The following COLGALT1 variants were observed in gnomAD, a reference collection of about 807,000 sequenced individuals.
The protein encoded by COLGALT1 is procollagen galactosyltransferase 1.
COLGALT1 carries 43 observed loss-of-function variants against 60.8 expected under a neutral mutation model. The observed-to-expected ratio is 0.71, with a 90% CI of 0.55 to 0.91. The LOEUF (loss-of-function observed/expected upper bound fraction) is 0.91. Among genes scored for constraint, COLGALT1 ranks in the 40% least tolerant of loss-of-function variants. The pLI, the probability that COLGALT1 is intolerant of heterozygous loss-of-function variation, is 0.00. For missense variants in COLGALT1, 845 were observed against 880.0 expected, an observed-to-expected ratio of 0.96 and a Z score of 0.50; for synonymous variants, 369 against 374.2, an observed-to-expected ratio of 0.99 and a Z score of 0.16.
intron 3 of COLGALT1, among the ~76,000 whole-genome samples, chr19:17,564,319 ATATG>A (rs946126780): frequency 2.6e-5 from 4 of 151,010 alleles, no homozygotes; most frequent in South Asian, 4.2e-4. Flanking sequence ...ATATACGTGT[ATATG>A]TATATATATC....
intron 11 of COLGALT1, 56 bp from the exon 12 acceptor site, chr19:17,581,121 G>C (rs1372193777): frequency 1.3e-6 from 2 of 1,574,762 alleles, no homozygotes; most frequent in Non-Finnish European, 1.7e-6. Flanking sequence ...TTTTCCTCCA[G>C]CTGTCCCGTC....
chr19:17,582,613 A>T lies in COLGALT1; in HGVS notation c.*1169A>T, dbSNP rs536736794. The T allele has an allele frequency of 1.3e-5, 2 of 152,246 alleles. No homozygotes were observed. The highest frequency in any genetic ancestry group is 3.9e-4 in the East Asian group (2 of 5,178). 9.4% of individuals were successfully genotyped at this position (152,246 alleles called of 1,614,324 possible). On this transcript the variant is annotated 3_prime_UTR_variant, in exon 12 of 12. Transcript: ENST00000252599. The stretch of plus-strand genomic sequence containing the variant: ...CGGTTCCTTCACTTCTTCATGCCAC[A>T]AGTGTTTATTGAGCACCTGTGTGCC...
At chr19:17,564,293 G>GCA (rs1343907499) in intron 3 of COLGALT1, among the ~76,000 whole-genome samples, 2 of 150,014 alleles carry the variant, frequency 1.3e-5, no homozygotes, top group Non-Finnish European at 3.0e-5. Context: ...GTGCGTGTGT[G>GCA]TATACATATA....
chr19:17,561,357 A>G (rs990233581), intron 3 of COLGALT1, among the ~76,000 whole-genome samples: 2 of 151,930 alleles, frequency 1.3e-5, no homozygotes, highest in Non-Finnish European at 2.9e-5. Context: ...CTGGGATTAC[A>G]GGCATGGGCC....
chr19:17,574,757 G>C (rs149409480), intron 6 of COLGALT1, among the ~76,000 whole-genome samples: 2 of 152,142 alleles, frequency 1.3e-5, no homozygotes, highest in South Asian at 2.1e-4. Flanking sequence ...AGTTGGGGGT[G>C]GTGGGTCTCC....
At chr19:17,581,103 C>A in intron 11 of COLGALT1, 74 bp from the exon 12 acceptor site, 1 of 1,535,300 alleles carries the variant, frequency 6.5e-7, no homozygotes, top group Admixed American at 1.9e-5. Context: ...GACTTCTTCA[C>A]CCCCAATTTT....
chr19:17,572,382 G>A (rs1028227831), intron 5 of COLGALT1, 101 bp from the exon 6 acceptor site: 12 of 1,567,968 alleles, frequency 7.7e-6, no homozygotes, highest in African/African-American at 6.7e-5. Context: ...GACCTCAAGC[G>A]ATCCTCCTGC....
In COLGALT1 at chr19:17,563,192, T is replaced by C. The variant is rs954411453; in HGVS notation, c.489+2727T>C. On this transcript the variant is annotated intron_variant, in intron 3 of 11. Coordinates refer to ENST00000252599, the MANE Select transcript of COLGALT1 (RefSeq NM_024656.4). The stretch of plus-strand genomic sequence containing the variant: ...AAAATAATATTTTCGTGTTTCTTTT[T>C]TTTTTTTTTTTTTTTTGAGACAGTG... Among the ~76,000 whole-genome samples the C allele has an allele frequency of 1.2e-4, 17 of 146,280 alleles. No homozygotes were observed. The South Asian group carries it at 1.3e-3, about 11-fold the overall frequency.
At position 17,577,247 on chromosome 19, in the gene COLGALT1, A is replaced by T. The variant is rs1241914827; in HGVS notation, c.1002A>T (p.Thr334=). The stretch of plus-strand genomic sequence containing the variant: ...GCTTCATCTCGGCTCCCACCAAGAC[A>T]CCGGACAAGATGGGCTTCGACGAGG... ...PSRFISAPTK[T]PDKMGFDEVF... The change falls in exon 7 of 12, where the codon ACA becomes ACT. Residue 334 remains threonine (T), a synonymous_variant. Coordinates refer to ENST00000252599, the MANE Select transcript of COLGALT1 (RefSeq NM_024656.4). The T allele has an allele frequency of 3.1e-6, 5 of 1,613,104 alleles. No individual in the cohort carries two copies. Among genetic ancestry groups the T allele is most frequent in the Non-Finnish European group, 4.2e-6 (5 of 1,179,616 alleles).
At chr19:17,557,711 C>T (rs956496719) in intron 1 of COLGALT1, among the ~76,000 whole-genome samples, 2 of 152,246 alleles carry the variant, frequency 1.3e-5, no homozygotes, top group African/African-American at 4.8e-5. Flanking sequence ...AAGTGATTCT[C>T]CTGCCTCAGC....
At chr19:17,580,070 A>G (rs958252177) in intron 10 of COLGALT1, 1 of 184,660 alleles carries the variant, frequency 5.4e-6, no homozygotes, top group Non-Finnish European at 1.2e-5. Flanking sequence ...GGATGTGGCT[A>G]AAATTTGACC....
chr19:17,580,915 G>A lies in COLGALT1; in HGVS notation c.1601+10G>A, dbSNP rs757069012. Reference sequence around the variant, plus strand: ...TCGACAAACACCCAGTGTGAGAGGGGCAGGCGGCTGCTGGGCTGGGGTTTC... The same window carrying A: ...TCGACAAACACCCAGTGTGAGAGGGACAGGCGGCTGCTGGGCTGGGGTTTC... On this transcript the variant is annotated intron_variant, in intron 11 of 11. Coordinates refer to ENST00000252599, the MANE Select transcript of COLGALT1 (RefSeq NM_024656.4). 1 of 1,613,012 alleles carries A rather than the reference G, an allele frequency of 6.2e-7. No homozygotes were observed. Among genetic ancestry groups the A allele is most frequent in the South Asian group, 1.1e-5 (1 of 91,042 alleles).
chr19:17,575,273 T>C (rs1036597299), intron 6 of COLGALT1, among the ~76,000 whole-genome samples: 2 of 152,002 alleles, frequency 1.3e-5, no homozygotes, highest in African/African-American at 2.4e-5. Context: ...TGAGACGGAG[T>C]CTCGCTCTGT....
chr19:17,578,119 G>A (rs774551315), intron 9 of COLGALT1, 30 bp downstream of exon 9: 2 of 1,572,926 alleles, frequency 1.3e-6, no homozygotes, highest in South Asian at 2.3e-5. Context: ...CGGGGCCAGA[G>A]TTATGACTCT....
chr19:17,574,664 C>T (rs138416688), intron 6 of COLGALT1, among the ~76,000 whole-genome samples: 53 of 152,140 alleles, frequency 3.5e-4, no homozygotes, highest in African/African-American at 1.3e-3. Context: ...GAGGTGACAC[C>T]TGGAGACTGC....
chr19:17,575,041 T>G (rs1027660048), intron 6 of COLGALT1, among the ~76,000 whole-genome samples: 4 of 151,662 alleles, frequency 2.6e-5, no homozygotes, highest in South Asian at 2.1e-4. Context: ...TTAATTTAGG[T>G]TTTTGGTTTT....
At position 17,555,654 on chromosome 19, in the gene COLGALT1, CT is replaced by C; in HGVS notation, c.-57del. On this transcript the variant is annotated 5_prime_UTR_variant, in exon 1 of 12. Transcript: ENST00000252599. The stretch of plus-strand genomic sequence containing the variant: ...CGGCCGGGCGGGGCCCCTATGACCC[CT>C]TTAAGGCGCGGCCAGAGTCCTCCCG... 1.7e-6 allele frequency: 2 copies of C among 1,164,796 alleles called. No individual in the cohort carries two copies. The highest frequency in any genetic ancestry group is 1.1e-6 in the Non-Finnish European group (1 of 945,516). 72.2% of individuals were successfully genotyped at this position (1,164,796 alleles called of 1,614,324 possible). A position where few individuals can be genotyped will look rare whatever the true frequency, so the allele number is the denominator to read the frequency against.
intron 3 of COLGALT1, 76 bp downstream of exon 3, chr19:17,560,541 C>T (rs2076242960): frequency 1.8e-6 from 2 of 1,132,978 alleles, no homozygotes. Context: ...CAGCAGGATG[C>T]CAGGACCATC....
At chr19:17,574,352 C>T (rs1382395125) in intron 6 of COLGALT1, among the ~76,000 whole-genome samples, 4 of 149,106 alleles carry the variant, frequency 2.7e-5, no homozygotes, top group African/African-American at 4.9e-5. Context: ...TTTTTTGAGA[C>T]GGTGTCTCAC....
Sources: allele counts gnomAD v4.1 joint callset (sites outside exome capture counted in the v4.1 genomes callset), GRCh38; gene constraint gnomAD v4.1.1; transcripts MANE v1.5; gene names NCBI Gene and HGNC (gene_info 2026-07-23, HGNC 2026-07-21).